Variants in GAB4 observed in about 807,000 individuals in gnomAD.
The protein encoded by GAB4 is GRB2 associated binding protein family member 4.
Under a neutral mutation model 51.3 loss-of-function variants are expected in GAB4, and 26 were observed. That is an observed-to-expected ratio of 0.51 (90% confidence interval 0.37 to 0.70). The LOEUF is 0.70. GAB4 is among the 30% of genes least tolerant of loss of function. The pLI, the probability that GAB4 is intolerant of heterozygous loss-of-function variation, is 0.00. For synonymous variants in GAB4, 329 were observed against 291.2 expected (o/e 1.13, Z -1.32); for missense variants, 759 against 734.6 (o/e 1.03, Z -0.38).
intron 3 of GAB4, 34 bp downstream of exon 3, chr22:16,987,926 G>T: frequency 6.6e-7 from 1 of 1,519,524 alleles, no homozygotes; most frequent in Non-Finnish European, 9.0e-7. Context: ...CCTTGTGGGG[G>T]TCACTGCCCC....
At chr22:16,992,980 C>T (rs1012649813) in intron 1 of GAB4, among the ~76,000 whole-genome samples, 25 of 152,152 alleles carry the variant, frequency 1.6e-4, no homozygotes, top group African/African-American at 5.8e-4. Flanking sequence ...CCTGCTTCCG[C>T]CTCCCAAAGC....
chr22:16,983,610 C>A (rs1250752805), intron 3 of GAB4, among the ~76,000 whole-genome samples: 1 of 152,090 alleles, frequency 6.6e-6, no homozygotes, highest in African/African-American at 2.4e-5. Context: ...GACACACAGG[C>A]CAATGGAACA....
intron 1 of GAB4, among the ~76,000 whole-genome samples, chr22:16,997,470 T>C (rs959688211): frequency 1.3e-5 from 2 of 152,224 alleles, no homozygotes; most frequent in African/African-American, 4.8e-5. Flanking sequence ...TCATATCCTT[T>C]GCCCACTTTT....
chr22:16,978,992 TA>T (rs1315560722), intron 3 of GAB4, among the ~76,000 whole-genome samples: 1 of 152,182 alleles, frequency 6.6e-6, no homozygotes, highest in South Asian at 2.1e-4. Flanking sequence ...CCCTTCGTGC[TA>T]AAAAATCTCA....
At chr22:16,978,383 A>G (rs1169151485) in intron 3 of GAB4, among the ~76,000 whole-genome samples, 1 of 152,242 alleles carries the variant, frequency 6.6e-6, no homozygotes, top group East Asian at 1.9e-4. Flanking sequence ...ACCAACTAGC[A>G]TCAGAGGATA....
chr22:16,972,800 G>GCCTC (rs1426357608), intron 3 of GAB4, among the ~76,000 whole-genome samples: 3 of 151,956 alleles, frequency 2.0e-5, no homozygotes, highest in Non-Finnish European at 2.9e-5. Context: ...TCTTCCCAGG[G>GCCTC]CCTCTCCAGC....
At chr22:16,999,790 T>G (rs1402780575) in intron 1 of GAB4, among the ~76,000 whole-genome samples, 1 of 152,218 alleles carries the variant, frequency 6.6e-6, no homozygotes, top group East Asian at 1.9e-4. Flanking sequence ...TGCTATAAAT[T>G]TCCCTCTACA....
At position 17,008,088 on chromosome 22, in the gene GAB4, G is replaced by A; in HGVS notation, c.27C>T (p.Ser9=). ...CCGGGTCAGGTGGGCACAGCTCCCG[G>A]GAGGGTGAGGGGGACGGCAGGGACA... MSLPSPSP[S]RELCPPDPAF... is the part of the protein sequence containing the mutation. The change falls in exon 1 of 10, where the codon TCC becomes TCT. Residue 9 remains serine, a synonymous_variant. Coordinates refer to ENST00000400588, the MANE Select transcript of GAB4 (RefSeq NM_001037814.1). The A allele has an allele frequency of 6.2e-7, 1 of 1,607,658 alleles. No homozygotes were observed. The highest frequency in any genetic ancestry group is 8.5e-7 in the Non-Finnish European group (1 of 1,177,076).
Position 16,962,465 on chromosome 22 carries a change from T to G in GAB4, c.*268A>C. On this transcript the variant is annotated 3_prime_UTR_variant, in exon 10 of 10. Transcript: ENST00000400588. Reference sequence around the variant, plus strand: ...AGAGGCTGAGGACCATGAGTAAGTGTGAGAGTGGAAATCTGTTGGGAGCCC... The same window carrying G: ...AGAGGCTGAGGACCATGAGTAAGTGGGAGAGTGGAAATCTGTTGGGAGCCC... 6.1e-6 allele frequency: 2 copies of G among 326,158 alleles called. No homozygotes were observed. The highest frequency in any genetic ancestry group is 1.1e-5 in the Non-Finnish European group (2 of 178,692). The allele number at this position is 326,158 out of a possible 1,614,324, so 20.2% of individuals were successfully genotyped here.
At chr22:16,993,172 C>T (rs1271931567) in intron 1 of GAB4, among the ~76,000 whole-genome samples, 1 of 152,168 alleles carries the variant, frequency 6.6e-6, no homozygotes, top group Non-Finnish European at 1.5e-5. Context: ...CATGAGCAGA[C>T]ACCACACACA....
In GAB4 at chr22:16,964,691, G is replaced by A. The variant is rs188679573; in HGVS notation, c.1476+75C>T. On this transcript the variant is annotated intron_variant, in intron 8 of 9. Coordinates refer to ENST00000400588, the MANE Select transcript of GAB4 (RefSeq NM_001037814.1). ...GGGGTGAGTCAGCTGAGGTAGCTAA[G>A]CTGGGAAGCGGGGACATGAGTGTGG... The A allele has an allele frequency of 1.5e-3, 1,560 of 1,064,940 alleles. 17 individuals are homozygous for A. In the Middle Eastern group the frequency reaches 0.022, roughly 15 times the overall value. 66.0% of individuals were successfully genotyped at this position (1,064,940 alleles called of 1,614,324 possible).
intron 6 of GAB4, among the ~76,000 whole-genome samples, chr22:16,965,562 T>G (rs2060665624): frequency 6.6e-6 from 1 of 152,220 alleles, no homozygotes; most frequent in African/African-American, 2.4e-5. Flanking sequence ...CTGCCTAAAT[T>G]TGACTTGATA....
At chr22:16,994,644 T>C (rs2060937467) in intron 1 of GAB4, among the ~76,000 whole-genome samples, 1 of 152,264 alleles carries the variant, frequency 6.6e-6, no homozygotes. Context: ...AATTCTGTGA[T>C]CTTGCTATAT....
At position 16,966,266 on chromosome 22, in the gene GAB4, T is replaced by G. The variant is rs2060673074; in HGVS notation, c.1122A>C (p.Gln374His). 6.2e-7 allele frequency: 1 copy of G among 1,613,848 alleles called. No homozygotes were observed. Among genetic ancestry groups the G allele is most frequent in the Non-Finnish European group, 8.5e-7 (1 of 1,180,008 alleles). Residue 374 changes from glutamine (Q) to histidine (H), a missense_variant, in exon 6 of 10, where the codon CAA (glutamine) becomes CAC (histidine). This residue lies in a region of GAB4 where 588 missense variants were observed against 510.2 expected (regional missense o/e 1.15). Transcript: ENST00000400588. The part of the protein sequence containing the change: ...PGSPTLPAVK[Q>H]AGDDSQGVCI... Reference sequence around the variant, plus strand: ...AGACACCCTGGGAATCATCGCCTGCTTGCTTCACAGCCGGCAGGGTAGGGG... The same window carrying G: ...AGACACCCTGGGAATCATCGCCTGCGTGCTTCACAGCCGGCAGGGTAGGGG...
chr22:16,962,553 AAGGTGGGGACCATGGCCAGCCAAAGGCAC>A lies in GAB4; in HGVS notation c.*151_*179del. 1 of 460,142 alleles carries A rather than the reference AAGGTGGGGACCATGGCCAGCCAAAGGCAC, an allele frequency of 2.2e-6. No homozygotes were observed. Among genetic ancestry groups the A allele is most frequent in the Non-Finnish European group, 3.7e-6 (1 of 267,602 alleles). The allele number at this position is 460,142 out of a possible 1,614,324, so 28.5% of individuals were successfully genotyped here. On this transcript the variant is annotated 3_prime_UTR_variant, in exon 10 of 10. Transcript: ENST00000400588. ...GGCAACTGCTCCTAGCAAGGGGGTG[AAGGTGGGGACCATGGCCAGCCAAAGGCAC>A]AGGTGGGCCCCAAGCAGGCAAAGGA... is the stretch of plus-strand genomic sequence containing the variant.
At position 16,966,250 on chromosome 22, in the gene GAB4, G is replaced by T; in HGVS notation, c.1138C>A (p.Gln380Lys). The T allele has an allele frequency of 6.2e-7, 1 of 1,613,672 alleles. No individual in the cohort carries two copies. The highest frequency in any genetic ancestry group is 1.3e-5 in the African/African-American group (1 of 75,016). ...PAVKQAGDDS[Q>K]GVCIPVGSCL... is the part of the protein sequence containing the mutation. ...GAGCCCACAGGGATGCAGACACCCT[G>T]GGAATCATCGCCTGCTTGCTTCACA... is the stretch of plus-strand genomic sequence containing the variant. The change falls in exon 6 of 10, where the codon CAG (glutamine) becomes AAG (lysine). Residue 380 changes from glutamine (Q) to lysine (K), a missense_variant. By Grantham distance (53) the Gln-to-Lys change is moderately conservative. Transcript: ENST00000400588.
In GAB4 at chr22:16,964,517, G is replaced by A. The variant is rs79453010; in HGVS notation, c.1476+249C>T. Among the ~76,000 whole-genome samples the A allele has an allele frequency of 4.1e-3, 618 of 152,274 alleles. 10 individuals carry two copies. In the East Asian group the frequency reaches 0.049, roughly 12 times the overall value. ...AGGGCAGGGCACCACCTGTATCACC[G>A]TCATGAGGGCGAGGTGGGCTGCCTC... is the stretch of plus-strand genomic sequence containing the variant. On this transcript the variant is annotated intron_variant, in intron 8 of 9. Coordinates refer to ENST00000400588, the MANE Select transcript of GAB4 (RefSeq NM_001037814.1).
chr22:17,001,799 G>A (rs1260508552), intron 1 of GAB4, among the ~76,000 whole-genome samples: 1 of 152,158 alleles, frequency 6.6e-6, no homozygotes, highest in Non-Finnish European at 1.5e-5. Flanking sequence ...CTTGAACTGA[G>A]GTGGATTCTA....
chr22:16,989,121 G>A (rs2060892705), intron 2 of GAB4, among the ~76,000 whole-genome samples: 1 of 152,150 alleles, frequency 6.6e-6, no homozygotes, highest in East Asian at 1.9e-4. Flanking sequence ...CCCAACAGAA[G>A]CCAGGTACAT....
Sources: allele counts gnomAD v4.1 joint callset (sites outside exome capture counted in the v4.1 genomes callset), GRCh38; gene constraint gnomAD v4.1.1; regional missense constraint gnomAD v4.1.1; transcripts MANE v1.5; gene names NCBI Gene and HGNC (gene_info 2026-07-23, HGNC 2026-07-21).